ANO3: variants seen among roughly 807,000 people sequenced by gnomAD.
The protein encoded by ANO3 is anoctamin 3.
In ANO3, 99 loss-of-function variants were observed where a neutral mutation model predicts 144.8. The observed-to-expected ratio is 0.68, with a 90% CI of 0.58 to 0.81. The LOEUF is 0.81. ANO3 is among the 30% of genes least tolerant of loss of function. ANO3 has a pLI of 0.00. For missense variants in ANO3, 905 were observed against 1,202.2 expected (o/e 0.75, Z 3.66); for synonymous variants, 414 against 392.6 (o/e 1.05, Z -0.64).
At chr11:26,456,158 G>A (rs538176919) in intron 3 of ANO3, among the ~76,000 whole-genome samples, 2 of 152,200 alleles carry the variant, frequency 1.3e-5, no homozygotes, top group Admixed American at 6.5e-5. Context: ...CAGGACATAG[G>A]CATGGGCAAG....
chr11:26,259,564 C>T (rs1265550539), intron 1 of ANO3, among the ~76,000 whole-genome samples: 7 of 54,238 alleles, frequency 1.3e-4, no homozygotes, highest in Non-Finnish European at 2.0e-4. Flanking sequence ...AGGAGAATCG[C>T]TTGAACGTGG....
intron 1 of ANO3, among the ~76,000 whole-genome samples, chr11:26,231,016 T>C (rs1852386040): frequency 1.3e-5 from 2 of 151,354 alleles, no homozygotes; most frequent in South Asian, 4.2e-4. Context: ...GTAGCTGGGA[T>C]TGCAGGTGTG....
At chr11:26,576,796 A>G (rs1448214059) in intron 14 of ANO3, among the ~76,000 whole-genome samples, 1 of 152,214 alleles carries the variant, frequency 6.6e-6, no homozygotes, top group Non-Finnish European at 1.5e-5. Flanking sequence ...CTTTATCCAC[A>G]GGGTTAGACT....
chr11:26,359,445 G>T (rs2349814), intron 1 of ANO3, among the ~76,000 whole-genome samples: 20,489 of 152,072 alleles, frequency 0.13, 1,537 homozygotes, highest in East Asian at 0.28. Flanking sequence ...TCTTTCTCTG[G>T]GCTCAAGAAG....
At chr11:26,449,071 G>A (rs566457905) in intron 3 of ANO3, among the ~76,000 whole-genome samples, 12 of 152,098 alleles carry the variant, frequency 7.9e-5, no homozygotes, top group Non-Finnish European at 1.5e-4. Flanking sequence ...GGTATTCAGA[G>A]ACCTCACAGA....
chr11:26,573,060 C>T (rs935011307), intron 14 of ANO3, among the ~76,000 whole-genome samples: 8 of 152,082 alleles, frequency 5.3e-5, no homozygotes, highest in Admixed American at 1.3e-4. Flanking sequence ...CGCACATCAG[C>T]GTTTGGGGAT....
chr11:26,524,850 C>T (rs1221221061), intron 6 of ANO3, among the ~76,000 whole-genome samples: 2 of 152,142 alleles, frequency 1.3e-5, no homozygotes, highest in Non-Finnish European at 2.9e-5. Flanking sequence ...CCAGCTATTA[C>T]CAAGTTGGTT....
At chr11:26,574,203 T>A (rs1425313771) in intron 14 of ANO3, among the ~76,000 whole-genome samples, 4 of 152,138 alleles carry the variant, frequency 2.6e-5, no homozygotes, top group Non-Finnish European at 5.9e-5. Flanking sequence ...CAATACATAC[T>A]GGGAGGAAGA....
intron 1 of ANO3, among the ~76,000 whole-genome samples, chr11:26,247,965 T>A (rs1194301720): frequency 6.6e-6 from 1 of 151,262 alleles, no homozygotes; most frequent in East Asian, 2.0e-4. Flanking sequence ...GCTCTTGACC[T>A]CGTGATCCGC....
intron 1 of ANO3, among the ~76,000 whole-genome samples, chr11:26,347,802 C>T (rs1855533709): frequency 6.6e-6 from 1 of 152,152 alleles, no homozygotes; most frequent in Admixed American, 6.5e-5. Flanking sequence ...CAAAACTAAT[C>T]AGTAATCCAG....
At chr11:26,188,877 G>A (rs984631860) in exon 1 of ANO3, among the ~76,000 whole-genome samples, 1 of 152,100 alleles carries the variant, frequency 6.6e-6, no homozygotes. Context: ...TTTCACTGCA[G>A]CCTCTCTGAG....
upstream of ANO3, chr11:26,331,906 G>T: frequency 3.8e-6 from 1 of 263,910 alleles, no homozygotes; most frequent in South Asian, 7.9e-5. Context: ...TTGGCAAAGA[G>T]GGCATCAGTA....
At chr11:26,656,545 G>A (rs1853695176) in intron 26 of ANO3, 64 bp downstream of exon 26, 1 of 1,115,576 alleles carries the variant, frequency 9.0e-7, no homozygotes, top group East Asian at 2.3e-5. Flanking sequence ...TTTATCAGTT[G>A]CCTCTTTGAA....
chr11:26,528,272 A>T (rs973178200), intron 7 of ANO3, among the ~76,000 whole-genome samples: 1 of 152,132 alleles, frequency 6.6e-6, no homozygotes, highest in African/African-American at 2.4e-5. Flanking sequence ...TTCAATTAAG[A>T]GAAGCAAAAC....
At chr11:26,601,195 G>T (rs1851791056) in intron 17 of ANO3, among the ~76,000 whole-genome samples, 1 of 152,134 alleles carries the variant, frequency 6.6e-6, no homozygotes, top group Non-Finnish European at 1.5e-5. Context: ...TGATATAGCT[G>T]AGCCATACAT....
At chr11:26,425,052 C>T (rs1857881062) in intron 1 of ANO3, among the ~76,000 whole-genome samples, 1 of 145,954 alleles carries the variant, frequency 6.9e-6, no homozygotes, top group African/African-American at 2.5e-5. Flanking sequence ...CCACAAGAGG[C>T]CCCGGGGTGT....
chr11:26,590,386 GT>G (rs1851409658), intron 14 of ANO3, among the ~76,000 whole-genome samples: 1 of 152,158 alleles, frequency 6.6e-6, no homozygotes, highest in Non-Finnish European at 1.5e-5. Context: ...AGTGTTAGTT[GT>G]TTGCCACACA....
chr11:26,225,808 T>C (rs1852245892), intron 1 of ANO3, among the ~76,000 whole-genome samples: 1 of 152,170 alleles, frequency 6.6e-6, no homozygotes, highest in Non-Finnish European at 1.5e-5. Context: ...TGAAGCAACA[T>C]AGAAAATGTT....
In ANO3 at chr11:26,333,091, A is replaced by G. The variant is rs562156650; in HGVS notation, c.46+770A>G. ...TTTTATTATCCAGAAGCATTAATTA[A>G]CACAATTGCCACTTTGCTGAATTAA... On this transcript the variant is annotated intron_variant, in intron 1 of 26. Transcript: ENST00000256737. 1.5e-3 allele frequency among the ~76,000 whole-genome samples: 224 copies of G among 152,314 alleles called. 1 individual carries two copies. The highest frequency in any genetic ancestry group is 2.4e-3 in the Non-Finnish European group (161 of 68,034).
Sources: allele counts gnomAD v4.1 joint callset (sites outside exome capture counted in the v4.1 genomes callset), GRCh38; gene constraint gnomAD v4.1.1; transcripts MANE v1.5; gene names NCBI Gene and HGNC (gene_info 2026-07-23, HGNC 2026-07-21).